The following AP3B1 variants were observed in gnomAD, a reference collection of about 807,000 sequenced individuals.
The protein encoded by AP3B1 is AP-3 complex subunit beta-1.
In AP3B1, 61 loss-of-function variants were observed where a neutral mutation model predicts 132.5. That is an observed-to-expected ratio of 0.46 (90% CI 0.37 to 0.57). AP3B1 has a LOEUF of 0.57. AP3B1 is among the 20% of genes least tolerant of loss of function. The pLI is 0.00. For missense variants in AP3B1, 1,120 were observed against 1,289.4 expected (o/e 0.87, Z 2.01); for synonymous variants, 388 against 438.3 (o/e 0.89, Z 1.43).
rs190638302 is a variant in AP3B1 at position 78,228,133 on chromosome 5, C to A, written c.375+11G>T. The A allele has an allele frequency of 1.3e-6, 2 of 1,583,562 alleles. No individual in the cohort carries two copies. Among genetic ancestry groups the A allele is most frequent in the Admixed American group, 1.8e-5 (1 of 55,318 alleles). ...CCTTGTAGCTATTTGCCTACTCACT[C>A]CATTATTTACCTTCAGAGCTCGCTG... On this transcript the variant is annotated intron_variant, in intron 4 of 26. Transcript: ENST00000255194.
At chr5:78,191,773 G>C (rs1744844019) in intron 7 of AP3B1, among the ~76,000 whole-genome samples, 1 of 152,152 alleles carries the variant, frequency 6.6e-6, no homozygotes, top group Non-Finnish European at 1.5e-5. Context: ...ATTAAGTGAA[G>C]GGTATCAAGA....
intron 2 of AP3B1, among the ~76,000 whole-genome samples, chr5:78,251,976 T>C (rs1245563886): frequency 6.6e-6 from 1 of 152,046 alleles, no homozygotes; most frequent in African/African-American, 2.4e-5. Context: ...TTGTCTTGCA[T>C]CTTGGATACC....
intron 6 of AP3B1, 106 bp from the exon 7 acceptor site, chr5:78,216,343 T>G (rs1561482621): frequency 9.9e-7 from 1 of 1,013,764 alleles, no homozygotes; most frequent in South Asian, 1.4e-5. Context: ...AGTATTAAAG[T>G]ATTCAGTCAT....
At chr5:78,127,292 T>C (rs905502887) in intron 17 of AP3B1, among the ~76,000 whole-genome samples, 5 of 152,196 alleles carry the variant, frequency 3.3e-5, no homozygotes, top group African/African-American at 1.2e-4. Context: ...ATACAATTCT[T>C]AACTGCTTTT....
chr5:78,178,887 TA>T (rs531635393), intron 8 of AP3B1, among the ~76,000 whole-genome samples: 11 of 148,804 alleles, frequency 7.4e-5, no homozygotes, highest in African/African-American at 9.8e-5. Flanking sequence ...TGTTTGAGGT[TA>T]AAAAAAAAAG....
chr5:78,097,777 G>A (rs1750936853), intron 21 of AP3B1, among the ~76,000 whole-genome samples: 2 of 152,140 alleles, frequency 1.3e-5, no homozygotes, highest in African/African-American at 4.8e-5. Context: ...TCTGGGAGGT[G>A]TGCCCAACAG....
chr5:78,069,214 T>TC (rs1749426789), intron 22 of AP3B1, among the ~76,000 whole-genome samples: 1 of 152,188 alleles, frequency 6.6e-6, no homozygotes, highest in Admixed American at 6.5e-5. Flanking sequence ...AAGGATGCTC[T>TC]CTCTCACCAC....
intron 22 of AP3B1, chr5:78,043,229 G>GGGTTCAA: frequency 6.4e-6 from 1 of 156,776 alleles, no homozygotes; most frequent in Non-Finnish European, 1.4e-5. Flanking sequence ...TCCACCTCCT[G>GGGTTCAA]GTGGATCCTC....
chr5:78,273,222 T>C (rs933158633), intron 1 of AP3B1, among the ~76,000 whole-genome samples: 3 of 151,916 alleles, frequency 2.0e-5, no homozygotes, highest in African/African-American at 7.3e-5. Flanking sequence ...CTGGGCAACA[T>C]GGTGAGACTC....
intron 6 of AP3B1, among the ~76,000 whole-genome samples, chr5:78,218,716 G>A (rs1032189325): frequency 2.6e-5 from 4 of 152,100 alleles, no homozygotes; most frequent in Admixed American, 2.6e-4. Flanking sequence ...ATTTTGTCAT[G>A]AATTCTAATT....
In AP3B1 at chr5:78,113,819, T is replaced by G; in HGVS notation, c.2182A>C (p.Ser728Arg). 2 of 1,614,226 alleles carry G rather than the reference T, an allele frequency of 1.2e-6. No individual in the cohort carries two copies. The highest frequency in any genetic ancestry group is 1.7e-6 in the Non-Finnish European group (2 of 1,180,030). Residue 728 changes from serine (S) to arginine (R), a missense_variant, in exon 19 of 27, where the codon AGT (serine) becomes CGT (arginine). Coordinates refer to ENST00000255194, the MANE Select transcript of AP3B1 (RefSeq NM_003664.5). ...TTTTCTAGGCCTGACTCCCGTCCAC[T>G]CTCACTGTCCTGCTCACTGGAGGAG... ...EDSSSEQDSE[S>R]GRESGLENKR...
At chr5:78,094,288 C>A (rs1459829133) in intron 21 of AP3B1, among the ~76,000 whole-genome samples, 1 of 152,064 alleles carries the variant, frequency 6.6e-6, no homozygotes, top group Non-Finnish European at 1.5e-5. Context: ...CATATATTAT[C>A]CTAGAACAAA....
At chr5:78,123,313 A>G (rs1233698128) in intron 17 of AP3B1, among the ~76,000 whole-genome samples, 1 of 152,244 alleles carries the variant, frequency 6.6e-6, no homozygotes, top group East Asian at 1.9e-4. Flanking sequence ...TAAAACACCA[A>G]AAGCAATGGT....
At chr5:78,219,418 A>G (rs1488842467) in intron 6 of AP3B1, among the ~76,000 whole-genome samples, 2 of 152,130 alleles carry the variant, frequency 1.3e-5, no homozygotes, top group African/African-American at 2.4e-5. Flanking sequence ...AAAGGCTTGT[A>G]GTAAAGTAGG....
chr5:78,023,616 G>A (rs1747203976), intron 24 of AP3B1, among the ~76,000 whole-genome samples: 1 of 152,098 alleles, frequency 6.6e-6, no homozygotes, highest in Non-Finnish European at 1.5e-5. Context: ...AAAGGATAAA[G>A]CGCAAATCTG....
chr5:78,282,368 C>T (rs74477229), intron 1 of AP3B1, among the ~76,000 whole-genome samples: 4,653 of 146,272 alleles, frequency 0.032, 123 homozygotes, highest in East Asian at 0.14. Flanking sequence ...CAAAAGAAGA[C>T]TGAAAATTGA....
At chr5:78,143,669 C>T (rs1753252126) in intron 14 of AP3B1, among the ~76,000 whole-genome samples, 1 of 152,132 alleles carries the variant, frequency 6.6e-6, no homozygotes, top group South Asian at 2.1e-4. Flanking sequence ...TTCACAGCCA[C>T]TACTTTCAAA....
intron 14 of AP3B1, among the ~76,000 whole-genome samples, chr5:78,150,045 G>C (rs967661280): frequency 6.6e-6 from 1 of 151,958 alleles, no homozygotes; most frequent in East Asian, 1.9e-4. Context: ...TGACTGGCAG[G>C]TTCTAAATCT....
chr5:78,246,198 T>C (rs1408154480), intron 2 of AP3B1, among the ~76,000 whole-genome samples: 1 of 152,186 alleles, frequency 6.6e-6, no homozygotes, highest in Non-Finnish European at 1.5e-5. Flanking sequence ...ACTTCACACA[T>C]TTGACTTTTA....
Sources: gnomAD v4.1 joint callset for allele counts (sites outside exome capture counted in the v4.1 genomes callset) on GRCh38, gnomAD v4.1.1 for gene constraint, MANE v1.5 for transcripts, NCBI Gene and HGNC (gene_info 2026-07-23, HGNC 2026-07-21) for gene names.